Variants in SLBP observed in about 807,000 individuals in gnomAD.
The protein encoded by SLBP is histone RNA hairpin-binding protein.
Under a neutral mutation model 39.2 loss-of-function variants are expected in SLBP, and 29 were observed. That is an observed-to-expected ratio of 0.74 (90% CI 0.55 to 1.01). The LOEUF is 1.01. SLBP is among the 50% of genes least tolerant of loss of function. The pLI, the probability that SLBP is intolerant of heterozygous loss-of-function variation, is 0.00. For synonymous variants in SLBP, 129 were observed against 118.7 expected (o/e 1.09, Z -0.57); for missense variants, 390 against 350.2 (o/e 1.11, Z -0.91).
At position 1,702,369 on chromosome 4, in the gene SLBP, T is replaced by C. The variant is rs113602866; in HGVS notation, c.281+1227A>G. 4.7e-3 allele frequency among the ~76,000 whole-genome samples: 718 copies of C among 152,220 alleles called. 6 individuals carry two copies. The highest frequency in any genetic ancestry group is 0.017 in the African/African-American group (688 of 41,564). On this transcript the variant is annotated intron_variant, in intron 3 of 7. Coordinates refer to ENST00000489418, the MANE Select transcript of SLBP (RefSeq NM_006527.4). ...AGAAATGACAAATAACTCCCCCAAATGTTCAATAACCAATTCCCACATATT... is the reference window on the plus strand; with the variant it reads ...AGAAATGACAAATAACTCCCCCAAACGTTCAATAACCAATTCCCACATATT...
At chr4:1,712,013 C>T (rs1404812222) in intron 1 of SLBP, 23 bp from the exon 2 acceptor site, 1 of 1,283,544 alleles carries the variant, frequency 7.8e-7, no homozygotes, top group Non-Finnish European at 9.9e-7. Context: ...ACGCGGTCGG[C>T]TGGGCACGGG....
At chr4:1,700,117 A>G (rs763700883) in intron 3 of SLBP, 47 bp from the exon 4 acceptor site, 1 of 1,415,270 alleles carries the variant, frequency 7.1e-7, no homozygotes, top group Middle Eastern at 1.8e-4. Flanking sequence ...ATATAAAAAT[A>G]AAGCAGCCAG....
intron 1 of SLBP, 22 bp from the exon 2 acceptor site, chr4:1,712,012 G>A (rs750229310): frequency 1.6e-6 from 2 of 1,282,760 alleles, no homozygotes; most frequent in East Asian, 6.3e-5. Context: ...GACGCGGTCG[G>A]CTGGGCACGG....
intron 3 of SLBP, 155 bp from the exon 4 acceptor site, chr4:1,700,225 G>T: frequency 1.1e-5 from 5 of 442,786 alleles, no homozygotes; most frequent in South Asian, 1.2e-4. Flanking sequence ...TTCAGTTTAA[G>T]TAGTGAGATC....
chr4:1,695,737 C>T (rs958740760), intron 6 of SLBP, among the ~76,000 whole-genome samples: 2 of 151,654 alleles, frequency 1.3e-5, no homozygotes, highest in African/African-American at 2.4e-5. Context: ...GCCGGGATCA[C>T]GCCACTGCAC....
intron 5 of SLBP, among the ~76,000 whole-genome samples, chr4:1,696,916 C>T (rs770125644): frequency 1.4e-4 from 21 of 147,440 alleles, no homozygotes; most frequent in Admixed American, 4.1e-4. Context: ...AAAAAACAAA[C>T]GCTGCTGGGT....
intron 2 of SLBP, among the ~76,000 whole-genome samples, chr4:1,704,926 CT>C (rs111864211): frequency 0.13 from 18,843 of 146,806 alleles, 1,487 homozygotes; most frequent in Non-Finnish European, 0.18. Flanking sequence ...CTGACCCATT[CT>C]TTTTTTTTTT....
chr4:1,693,684 C>T lies in SLBP; in HGVS notation c.726G>A (p.Val242=), dbSNP rs200475552. 8.1e-6 allele frequency: 13 copies of T among 1,613,374 alleles called. No homozygotes were observed. The highest frequency in any genetic ancestry group is 4.0e-5 in the African/African-American group (3 of 74,924). The stretch of plus-strand genomic sequence containing the variant: ...CCTCCACTTGACTGTCCATGTGTCT[C>T]ACCTTGGTGGGTGTGCCAGAGTACA... ...FDVYSGTPTK[V]RHMDSQVEDE... is the part of the protein sequence containing the mutation. The change falls in exon 8 of 8, where the codon GTG becomes GTA. Residue 242 remains valine (V), a synonymous_variant. Transcript: ENST00000489418.
intron 2 of SLBP, 132 bp downstream of exon 2, chr4:1,711,742 G>A (rs566555267): frequency 3.9e-4 from 172 of 436,628 alleles, no homozygotes; most frequent in African/African-American, 3.1e-3. Context: ...CGGGCCGCGC[G>A]GAGACCAAGA....
intron 2 of SLBP, among the ~76,000 whole-genome samples, chr4:1,709,769 G>A (rs1385264922): frequency 2.0e-5 from 3 of 152,058 alleles, no homozygotes; most frequent in African/African-American, 7.2e-5. Context: ...CCGCTACCAC[G>A]CCCGGCTAAT....
chr4:1,699,197 T>A (rs1026155435), intron 5 of SLBP, among the ~76,000 whole-genome samples: 4 of 152,342 alleles, frequency 2.6e-5, no homozygotes, highest in African/African-American at 9.6e-5. Context: ...ACATGCTGCT[T>A]AAAGACAATA....
At chr4:1,710,218 G>C (rs927931014) in intron 2 of SLBP, among the ~76,000 whole-genome samples, 4 of 152,200 alleles carry the variant, frequency 2.6e-5, no homozygotes, top group Admixed American at 2.0e-4. Context: ...CTATGTCCTG[G>C]TAACTCACTG....
chr4:1,694,815 C>T lies in SLBP; in HGVS notation c.655G>A (p.Glu219Lys). The T allele has an allele frequency of 6.2e-7, 1 of 1,613,818 alleles. No homozygotes were observed. Among genetic ancestry groups the T allele is most frequent in the Admixed American group, 1.7e-5 (1 of 60,024 alleles). Residue 219 changes from glutamate (E) to lysine (K), a missense_variant, in exon 7 of 8, where the codon GAA (glutamate) becomes AAA (lysine). Coordinates refer to ENST00000489418, the MANE Select transcript of SLBP (RefSeq NM_006527.4). The stretch of plus-strand genomic sequence containing the variant: ...CTGGTCTGGGGCTCGGAGCTGCTTT[C>T]TGCAGATTCAAGGTCTACAGGGTGT... ...EIHPVDLESA[E>K]SSSEPQTSSQ...
At chr4:1,710,175 A>G (rs1200717065) in intron 2 of SLBP, among the ~76,000 whole-genome samples, 5 of 152,158 alleles carry the variant, frequency 3.3e-5, no homozygotes, top group Non-Finnish European at 7.3e-5. Context: ...CACTGCGCCC[A>G]GCCCCCTAGA....
At chr4:1,693,861 A>G in intron 7 of SLBP, 148 bp from the exon 8 acceptor site, 1 of 632,472 alleles carries the variant, frequency 1.6e-6, no homozygotes. Context: ...AGATTTTAAT[A>G]ATAACACTGC....
intron 2 of SLBP, among the ~76,000 whole-genome samples, chr4:1,709,521 C>T (rs752227934): frequency 6.6e-6 from 1 of 152,194 alleles, no homozygotes; most frequent in Non-Finnish European, 1.5e-5. Context: ...GTTAGATATG[C>T]TGTTTGAGCA....
intron 2 of SLBP, among the ~76,000 whole-genome samples, chr4:1,710,170 C>A (rs969904121): frequency 1.3e-5 from 2 of 152,236 alleles, no homozygotes; most frequent in African/African-American, 2.4e-5. Flanking sequence ...GGAGCCACTG[C>A]GCCCAGCCCC....
rs546456580 is a variant in SLBP at position 1,701,248 on chromosome 4, C to T, written c.282-1178G>A. ...GCAACCTCCGCCTCCCGGGTCCAAG[C>T]GATTCTCCTGCCTCAGCCTCCTGAG... On this transcript the variant is annotated intron_variant, in intron 3 of 7. Coordinates refer to ENST00000489418, the MANE Select transcript of SLBP (RefSeq NM_006527.4). 8.8e-4 allele frequency among the ~76,000 whole-genome samples: 130 copies of T among 148,350 alleles called. 1 individual carries two copies. The highest frequency in any genetic ancestry group is 3.1e-3 in the African/African-American group (126 of 40,524).
chr4:1,704,001 C>T (rs545432749), intron 2 of SLBP, among the ~76,000 whole-genome samples: 26 of 152,262 alleles, frequency 1.7e-4, no homozygotes, highest in African/African-American at 5.3e-4. Context: ...AGATGTAGAA[C>T]ATAACCTATC....
Sources: allele counts gnomAD v4.1 joint callset (sites outside exome capture counted in the v4.1 genomes callset), GRCh38; gene constraint gnomAD v4.1.1; transcripts MANE v1.5; gene names NCBI Gene and HGNC (gene_info 2026-07-23, HGNC 2026-07-21).